The following WRN variants were observed in gnomAD, a reference collection of about 807,000 sequenced individuals.
WRN encodes bifunctional 3'-5' exonuclease/ATP-dependent helicase WRN.
Under a neutral mutation model 180.7 loss-of-function variants are expected in WRN, and 149 were observed. The observed-to-expected ratio is 0.82, with a 90% confidence interval of 0.72 to 0.94. The LOEUF (loss-of-function observed/expected upper bound fraction) is 0.94. WRN is among the 40% of genes least tolerant of loss of function. The pLI is 0.00. For missense variants in WRN, 1,661 were observed against 1,700.1 expected (o/e 0.98, Z 0.40); for synonymous variants, 548 against 568.9 (o/e 0.96, Z 0.52).
At chr8:31,059,311 G>T (rs949684941) in intron 3 of WRN, 46 bp downstream of exon 3, 37 of 1,466,710 alleles carry the variant, frequency 2.5e-5, no homozygotes, top group Non-Finnish European at 3.3e-5. Context: ...TGGACCCTTA[G>T]AAGGTACTAT....
At chr8:31,142,731 T>C in intron 27 of WRN, 30 bp downstream of exon 27, 1 of 1,523,248 alleles carries the variant, frequency 6.6e-7, no homozygotes, top group Non-Finnish European at 9.0e-7. Flanking sequence ...TTCTGATTTA[T>C]TTCATTCTTT....
chr8:31,120,400 C>T lies in WRN; in HGVS notation c.2606C>T (p.Ala869Val), dbSNP rs911130133. ...CAAAGTTCTTGTCACGTCCTCTGGG[C>T]TCCTGCAGACATTAACTTAAATAGG... ...GLQSSCHVLW[A>V]PADINLNRHL... The change falls in exon 21 of 35, where the codon GCT becomes GTT. Residue 869 changes from alanine (A) to valine (V), a missense_variant. By Grantham distance (64) the Ala-to-Val change is moderately conservative. Coordinates refer to ENST00000298139, the MANE Select transcript of WRN (RefSeq NM_000553.6). 5 of 1,612,446 alleles carry T rather than the reference C, an allele frequency of 3.1e-6. No homozygotes were observed. The African/African-American group carries it at 6.7e-5, about 22-fold the overall frequency.
intron 16 of WRN, among the ~76,000 whole-genome samples, chr8:31,093,434 A>T (rs6998365): frequency 2.6e-5 from 4 of 151,904 alleles, no homozygotes; most frequent in Non-Finnish European, 4.4e-5. Flanking sequence ...TTAATATCTG[A>T]TTATTATTTT....
At chr8:31,096,338 C>G (rs927147723) in intron 16 of WRN, among the ~76,000 whole-genome samples, 6 of 152,122 alleles carry the variant, frequency 3.9e-5, no homozygotes, top group Non-Finnish European at 7.4e-5. Context: ...TATTTTGCCC[C>G]AGACCTAGCT....
At chr8:31,128,567 A>C (rs1284554335) in intron 23 of WRN, among the ~76,000 whole-genome samples, 1 of 152,150 alleles carries the variant, frequency 6.6e-6, no homozygotes, top group Non-Finnish European at 1.5e-5. Flanking sequence ...ATTTCTAAAA[A>C]CTATGTATTG....
intron 33 of WRN, among the ~76,000 whole-genome samples, chr8:31,161,346 G>A (rs1283827410): frequency 1.3e-5 from 2 of 151,990 alleles, no homozygotes; most frequent in African/African-American, 4.8e-5. Flanking sequence ...TCATTTTGTG[G>A]GAACCTCACA....
At chr8:31,118,362 T>C (rs1801595316) in intron 20 of WRN, among the ~76,000 whole-genome samples, 1 of 152,118 alleles carries the variant, frequency 6.6e-6, no homozygotes, top group Non-Finnish European at 1.5e-5. Context: ...AGATATTTTG[T>C]TTTATCTGAC....
chr8:31,126,095 C>G (rs1045891058), intron 23 of WRN, among the ~76,000 whole-genome samples: 6 of 151,810 alleles, frequency 4.0e-5, no homozygotes, highest in African/African-American at 1.5e-4. Flanking sequence ...ATCAATAAAA[C>G]TGACAGACCA....
At position 31,141,586 on chromosome 8, in the gene WRN, G is replaced by A. The variant is rs1393051955; in HGVS notation, c.3124G>A (p.Ala1042Thr). Residue 1042 changes from alanine to threonine, a missense_variant, in exon 25 of 35, where the codon GCC becomes ACC. Physicochemically the swap from Ala to Thr is moderately conservative, Grantham distance 58. This residue lies in a region of WRN where 1,141 missense variants were observed against 1,149.4 expected (regional missense o/e 0.99). Transcript: ENST00000298139. ...GTATAACAAATTTATGAAGATTTGC[G>A]CCCTTACGAAAAAGGTAAACGGTGT... ...SRYNKFMKIC[A>T]LTKKGRNWLH... 4.3e-6 allele frequency: 7 copies of A among 1,613,952 alleles called. No homozygotes were observed. Among genetic ancestry groups the A allele is most frequent in the African/African-American group, 1.3e-5 (1 of 74,882 alleles).
At chr8:31,111,486 T>A (rs547927484) in intron 18 of WRN, 129 bp from the exon 19 acceptor site, 19 of 1,117,154 alleles carry the variant, frequency 1.7e-5, no homozygotes, top group Non-Finnish European at 2.3e-5. Flanking sequence ...TGCAAAAAAA[T>A]TTTACAGTTG....
intron 33 of WRN, among the ~76,000 whole-genome samples, chr8:31,158,096 C>T (rs572610844): frequency 6.6e-6 from 1 of 152,148 alleles, no homozygotes; most frequent in South Asian, 2.1e-4. Flanking sequence ...CCAAAACGTG[C>T]ACTTTCATTT....
chr8:31,079,415 G>A (rs1813216742), intron 8 of WRN, among the ~76,000 whole-genome samples: 1 of 152,116 alleles, frequency 6.6e-6, no homozygotes, highest in African/African-American at 2.4e-5. Flanking sequence ...GCTAATGAAA[G>A]AGTAAAACAT....
At chr8:31,066,954 G>C in intron 5 of WRN, 79 bp from the exon 6 acceptor site, 1 of 1,542,496 alleles carries the variant, frequency 6.5e-7, no homozygotes, top group South Asian at 1.1e-5. Flanking sequence ...TTTTATTTGT[G>C]GTATGTTCAT....
intron 24 of WRN, among the ~76,000 whole-genome samples, chr8:31,140,856 C>T (rs1053453803): frequency 2.6e-5 from 4 of 151,920 alleles, no homozygotes; most frequent in East Asian, 3.9e-4. Context: ...CCCAGATTCA[C>T]GCCATCCTCC....
At chr8:31,130,573 A>G (rs1224185739) in intron 23 of WRN, among the ~76,000 whole-genome samples, 2 of 149,926 alleles carry the variant, frequency 1.3e-5, no homozygotes, top group East Asian at 3.9e-4. Flanking sequence ...TTTTTGTCAT[A>G]TTTTACAGTC....
At position 31,175,306 on chromosome 8, in the gene WRN, G is replaced by A. The variant is rs1051995115; in HGVS notation, c.*2204G>A. On this transcript the variant is annotated 3_prime_UTR_variant, in exon 35 of 35. Coordinates refer to ENST00000298139, the MANE Select transcript of WRN (RefSeq NM_000553.6). ...AAAAATTAGCTGGGTGTGTTGGTGC[G>A]TGCCTATAATCCCAGCTACTCGGGA... Among the ~76,000 whole-genome samples, 3 of 152,044 alleles carry A rather than the reference G, an allele frequency of 2.0e-5. No homozygotes were observed. The highest frequency in any genetic ancestry group is 2.9e-5 in the Non-Finnish European group (2 of 67,984).
At chr8:31,120,904 G>A (rs1469792929) in intron 21 of WRN, among the ~76,000 whole-genome samples, 1 of 151,838 alleles carries the variant, frequency 6.6e-6, no homozygotes, top group Non-Finnish European at 1.5e-5. Context: ...GTTACTATTT[G>A]TTTTCTTGGT....
intron 11 of WRN, among the ~76,000 whole-genome samples, chr8:31,086,114 A>G (rs1393042222): frequency 2.6e-5 from 4 of 152,188 alleles, no homozygotes; most frequent in South Asian, 2.1e-4. Flanking sequence ...AGAAAAGCCA[A>G]TGTAGCTAAA....
chr8:31,123,486 A>G (rs777898631), intron 21 of WRN, among the ~76,000 whole-genome samples: 1 of 152,032 alleles, frequency 6.6e-6, no homozygotes, highest in Non-Finnish European at 1.5e-5. Flanking sequence ...TTTGGGGATA[A>G]TTACATGGAA....
Sources: allele counts gnomAD v4.1 joint callset (sites outside exome capture counted in the v4.1 genomes callset), GRCh38; gene constraint gnomAD v4.1.1; regional missense constraint gnomAD v4.1.1; transcripts MANE v1.5; gene names NCBI Gene and HGNC (gene_info 2026-07-23, HGNC 2026-07-21).